MTARC1: variants seen among roughly 807,000 people sequenced by gnomAD.
The protein encoded by MTARC1 is mitochondrial amidoxime reducing component 1, also known as mitochondrial amidoxime-reducing component 1.
In MTARC1, 24 loss-of-function variants were observed where a neutral mutation model predicts 33.6. The ratio of observed to expected loss-of-function variants is 0.72; its 90% CI spans 0.52 to 1.01. The LOEUF (loss-of-function observed/expected upper bound fraction) is 1.01, where lower values mean the gene tolerates loss of function less well. Among genes scored for constraint, MTARC1 ranks in the 50% least tolerant of loss-of-function variants. MTARC1 has a pLI of 0.00. For missense variants in MTARC1, 417 were observed against 445.7 expected, an observed-to-expected ratio of 0.94 and a Z score of 0.58; for synonymous variants, 187 against 189.5, an observed-to-expected ratio of 0.99 and a Z score of 0.11.
chr1:220,787,094 G>T lies in MTARC1; in HGVS notation c.150G>T (p.Arg50=). Residue 50 remains arginine, a synonymous_variant, in exon 1 of 7, where the codon CGG becomes CGT. Transcript: ENST00000366910. ...GCGCATGGCCCACGCGGCGCCGGCG[G>T]CTGCTGCAGCAGGTGGGCACAGTGG... is the stretch of plus-strand genomic sequence containing the variant. ...WRRAWPTRRR[R]LLQQVGTVAQ... 1 of 1,509,238 alleles carries T rather than the reference G, an allele frequency of 6.6e-7. No individual in the cohort carries two copies. The highest frequency in any genetic ancestry group is 8.8e-7 in the Non-Finnish European group (1 of 1,132,690). 93.5% of individuals were successfully genotyped at this position (1,509,238 alleles called of 1,614,324 possible).
At chr1:220,791,815 T>C (rs1159938679) in intron 2 of MTARC1, 151 bp downstream of exon 2, 9 of 833,374 alleles carry the variant, frequency 1.1e-5, no homozygotes, top group Non-Finnish European at 1.6e-5. Context: ...CTCAACATTA[T>C]GAAGATCTAA....
At chr1:220,794,635 T>G (rs1313330568) in intron 2 of MTARC1, among the ~76,000 whole-genome samples, 1 of 152,184 alleles carries the variant, frequency 6.6e-6, no homozygotes, top group Non-Finnish European at 1.5e-5. Flanking sequence ...CCAAGGTGAC[T>G]GCTCTGAAAG....
At chr1:220,800,283 T>G (rs1672751639) in intron 4 of MTARC1, among the ~76,000 whole-genome samples, 1 of 152,234 alleles carries the variant, frequency 6.6e-6, no homozygotes, top group African/African-American at 2.4e-5. Context: ...TGAGCCGGCC[T>G]TGTTTTTAGT....
intron 6 of MTARC1, among the ~76,000 whole-genome samples, chr1:220,805,821 T>G (rs950507833): frequency 7.2e-5 from 11 of 152,248 alleles, no homozygotes; most frequent in Non-Finnish European, 8.8e-5. Context: ...CTTTTATGTT[T>G]ACTTTAAAAT....
intron 4 of MTARC1, among the ~76,000 whole-genome samples, chr1:220,804,115 CT>C (rs1672895782): frequency 6.6e-6 from 1 of 152,198 alleles, no homozygotes; most frequent in Non-Finnish European, 1.5e-5. Context: ...ATCAAATGTC[CT>C]TTGCCTCCTC....
At position 220,813,693 on chromosome 1, in the gene MTARC1, A is replaced by G. The variant is rs1673209521; in HGVS notation, c.*275A>G. The G allele has an allele frequency of 5.5e-6, 2 of 366,590 alleles. No homozygotes were observed. 22.7% of individuals were successfully genotyped at this position (366,590 alleles called of 1,614,324 possible). A position where few individuals can be genotyped will look rare whatever the true frequency, so the allele number is the denominator to read the frequency against. The stretch of plus-strand genomic sequence containing the variant: ...AAACTCCCCGTTTAACTGATTATGG[A>G]ATAGTTCTTTCTCCTGCTTCTCCGT... On this transcript the variant is annotated 3_prime_UTR_variant, in exon 7 of 7. Coordinates refer to ENST00000366910, the MANE Select transcript of MTARC1 (RefSeq NM_022746.4).
chr1:220,789,419 T>C lies in MTARC1; in HGVS notation c.276-2072T>C, dbSNP rs566941238. On this transcript the variant is annotated intron_variant, in intron 1 of 6. Coordinates refer to ENST00000366910, the MANE Select transcript of MTARC1 (RefSeq NM_022746.4). ...GGCCACACATAAAATACACTAACAC[T>C]AACAACAGCTGATGAGCAAAAACAA... is the stretch of plus-strand genomic sequence containing the variant. Among the ~76,000 whole-genome samples the C allele has an allele frequency of 2.0e-5, 3 of 151,340 alleles. No individual in the cohort carries two copies. The East Asian group carries it at 5.8e-4, about 29-fold the overall frequency.
Position 220,815,893 on chromosome 1 carries a change from G to C in MTARC1, c.*2475G>C, listed in dbSNP as rs1374180783. On this transcript the variant is annotated 3_prime_UTR_variant, in exon 7 of 7. Transcript: ENST00000366910. ...GGGAGTCACAAACTCAGAGCTGGAG[G>C]TCTTGAAAAGGACAATGTGGGCCAG... The C allele has an allele frequency of 6.6e-6, 1 of 152,228 alleles. No individual in the cohort carries two copies. The highest frequency in any genetic ancestry group is 2.4e-5 in the African/African-American group (1 of 41,458). The allele number at this position is 152,228 out of a possible 1,614,324, so 9.4% of individuals were successfully genotyped here. A position where few individuals can be genotyped will look rare whatever the true frequency, so the allele number is the denominator to read the frequency against.
chr1:220,801,159 C>T (rs72472315), intron 4 of MTARC1, among the ~76,000 whole-genome samples: 2,644 of 152,290 alleles, frequency 0.017, 39 homozygotes, highest in South Asian at 0.07. Flanking sequence ...ACCTGCACCC[C>T]GCCAGCTCCC....
chr1:220,813,186 C>A, intron 6 of MTARC1, 106 bp from the exon 7 acceptor site: 1 of 1,482,116 alleles, frequency 6.7e-7, no homozygotes, highest in Non-Finnish European at 9.3e-7. Context: ...GGATGGTGCC[C>A]TCTCGAGCTG....
chr1:220,788,197 G>C (rs560973217), intron 1 of MTARC1, among the ~76,000 whole-genome samples: 1 of 152,162 alleles, frequency 6.6e-6, no homozygotes, highest in African/African-American at 2.4e-5. Flanking sequence ...TTAATGTCCT[G>C]TCTGGGTTCT....
At chr1:220,808,152 T>G (rs1395147990) in intron 6 of MTARC1, among the ~76,000 whole-genome samples, 1 of 152,226 alleles carries the variant, frequency 6.6e-6, no homozygotes, top group Non-Finnish European at 1.5e-5. Context: ...TTTATGCTCT[T>G]GCAGAAACAG....
At chr1:220,809,029 T>C (rs994274846) in intron 6 of MTARC1, 1 of 426,984 alleles carries the variant, frequency 2.3e-6, no homozygotes. Flanking sequence ...AGTAATGACA[T>C]TTGCCAGCAG....
chr1:220,792,536 G>A (rs572625498), intron 2 of MTARC1, among the ~76,000 whole-genome samples: 19 of 152,020 alleles, frequency 1.2e-4, no homozygotes, highest in African/African-American at 4.6e-4. Context: ...ATGCAATACT[G>A]ATGTAATTTC....
intron 2 of MTARC1, among the ~76,000 whole-genome samples, chr1:220,794,512 G>T (rs10779416): frequency 1.3e-5 from 2 of 151,456 alleles, no homozygotes; most frequent in South Asian, 4.2e-4. Flanking sequence ...TGGAGCTAAA[G>T]CCTGTGAATA....
At chr1:220,808,807 A>C (rs532500702) in intron 6 of MTARC1, 2 of 470,956 alleles carry the variant, frequency 4.2e-6, no homozygotes, top group Non-Finnish European at 8.8e-6. Context: ...CAGTGGAGGC[A>C]TGTCTGCTAA....
chr1:220,800,955 TTCACTGGCC>T (rs576494669), intron 4 of MTARC1, among the ~76,000 whole-genome samples: 115 of 152,224 alleles, frequency 7.6e-4, no homozygotes, highest in Non-Finnish European at 1.4e-3. Context: ...GCAGCCTGGC[TTCACTGGCC>T]TCCTTGCCCC....
chr1:220,799,161 G>T lies in MTARC1; in HGVS notation c.753+1147G>T, dbSNP rs1311117506. Reference sequence around the variant, plus strand: ...ATGTATAAAAGCAATATCAATCGATGGAGGATAATAAAAGTACGCCCAAAT... The same window carrying T: ...ATGTATAAAAGCAATATCAATCGATTGAGGATAATAAAAGTACGCCCAAAT... On this transcript the variant is annotated intron_variant, in intron 4 of 6. Transcript: ENST00000366910. 6 of 985,294 alleles carry T rather than the reference G, an allele frequency of 6.1e-6. No homozygotes were observed. In the South Asian group the frequency reaches 1.9e-4, roughly 31 times the overall value. The allele number at this position is 985,294 out of a possible 1,614,324, so 61.0% of individuals were successfully genotyped here.
Position 220,816,296 on chromosome 1 carries a change from A to G in MTARC1, c.*2878A>G, listed in dbSNP as rs1056924317. Reference sequence around the variant, plus strand: ...TCCCAGCATTCCAAGAGTGTATCAAATTAAAGCAACCCATGATGGTGGAGA... The same window carrying G: ...TCCCAGCATTCCAAGAGTGTATCAAGTTAAAGCAACCCATGATGGTGGAGA... On this transcript the variant is annotated 3_prime_UTR_variant, in exon 7 of 7. Transcript: ENST00000366910. 1.3e-5 allele frequency: 2 copies of G among 152,248 alleles called. No homozygotes were observed. The highest frequency in any genetic ancestry group is 4.8e-5 in the African/African-American group (2 of 41,472). The allele number at this position is 152,248 out of a possible 1,614,324, so 9.4% of individuals were successfully genotyped here.
Sources: allele counts gnomAD v4.1 joint callset (sites outside exome capture counted in the v4.1 genomes callset), GRCh38; gene constraint gnomAD v4.1.1; transcripts MANE v1.5; gene names NCBI Gene and HGNC (gene_info 2026-07-23, HGNC 2026-07-21).